MED13L: variants seen among roughly 807,000 people sequenced by gnomAD.
MED13L encodes mediator complex subunit 13L, also known as mediator of RNA polymerase II transcription subunit 13-like.
Under a neutral mutation model 220.9 loss-of-function variants are expected in MED13L, and 7 were observed. The ratio of observed to expected loss-of-function variants is 0.03; its 90% CI spans 0.02 to 0.06. The LOEUF is 0.06. MED13L is among the 10% of genes least tolerant of loss of function. The probability of loss-of-function intolerance (pLI) is 1.00; values close to 1 mark genes in which losing one functional copy is unlikely to be tolerated. For synonymous variants in MED13L, 1,011 were observed against 1,015.2 expected (o/e 1.00, Z 0.08); for missense variants, 1,965 against 2,760.5 (o/e 0.71, Z 6.46).
intron 2 of MED13L, among the ~76,000 whole-genome samples, chr12:116,146,350 GA>G (rs1458333118): frequency 6.6e-6 from 1 of 152,120 alleles, no homozygotes; most frequent in East Asian, 1.9e-4. Context: ...TCGATCTCCT[GA>G]CCTTGTGATC....
chr12:115,971,842 G>A (rs919644215), intron 26 of MED13L, among the ~76,000 whole-genome samples: 1 of 152,088 alleles, frequency 6.6e-6, no homozygotes, highest in African/African-American at 2.4e-5. Context: ...GACTCTATGA[G>A]ATCTCAATGA....
intron 4 of MED13L, among the ~76,000 whole-genome samples, chr12:116,046,134 C>T (rs1412698694): frequency 1.3e-5 from 2 of 152,054 alleles, no homozygotes. Context: ...ATATGGTAGG[C>T]TGGTTTATAG....
chr12:116,032,312 A>G (rs1046001674), intron 4 of MED13L, among the ~76,000 whole-genome samples: 2 of 152,316 alleles, frequency 1.3e-5, no homozygotes, highest in Admixed American at 1.3e-4. Flanking sequence ...AATTTTAAAG[A>G]AAAAAACAAG....
chr12:116,129,918 A>AG lies in MED13L; in HGVS notation c.311-18407_311-18406insC, dbSNP rs1461736692. On this transcript the variant is annotated intron_variant, in intron 2 of 30. Transcript: ENST00000281928. ...AGTGAGACTCAGTCTCAAAAAAAAA[A>AG]AAAAGAAAGAAAGAAAGAAAGAAAG... is the stretch of plus-strand genomic sequence containing the variant. Among the ~76,000 whole-genome samples, 3 of 151,862 alleles carry AG rather than the reference A, an allele frequency of 2.0e-5. No individual in the cohort carries two copies. The East Asian group carries it at 5.8e-4, about 29-fold the overall frequency.
chr12:115,975,715 G>A lies in MED13L; in HGVS notation c.5388C>T (p.Tyr1796=), dbSNP rs1328725357. ...TTGGGGCCAATATAAAGGGAGGGGA[G>A]TAAAGCTGGATTGGGCTGGGCCGCT... ...NPERPSPIQL[Y]SPPFILAPIK... The change falls in exon 24 of 31, where the codon TAC becomes TAT. Residue 1796 remains tyrosine (Y), a synonymous_variant. Coordinates refer to ENST00000281928, the MANE Select transcript of MED13L (RefSeq NM_015335.5). 1.2e-6 allele frequency: 2 copies of A among 1,613,780 alleles called. No homozygotes were observed.
At chr12:116,133,726 A>G (rs1307002935) in intron 2 of MED13L, among the ~76,000 whole-genome samples, 4 of 152,152 alleles carry the variant, frequency 2.6e-5, no homozygotes, top group Non-Finnish European at 5.9e-5. Flanking sequence ...CAAACAAAAT[A>G]TGGCCGAAGT....
intron 1 of MED13L, among the ~76,000 whole-genome samples, chr12:116,275,879 T>G (rs1445119733): frequency 1.3e-5 from 2 of 152,248 alleles, no homozygotes; most frequent in African/African-American, 4.8e-5. Flanking sequence ...TACAAATCTT[T>G]GCTCAATATT....
At chr12:116,072,662 C>T (rs1411246055) in intron 4 of MED13L, among the ~76,000 whole-genome samples, 1 of 152,182 alleles carries the variant, frequency 6.6e-6, no homozygotes, top group Non-Finnish European at 1.5e-5. Context: ...CCATGTTGGC[C>T]AGGCTGGTCT....
intron 2 of MED13L, among the ~76,000 whole-genome samples, chr12:116,220,296 A>T (rs1249881578): frequency 6.6e-6 from 1 of 152,040 alleles, no homozygotes; most frequent in Non-Finnish European, 1.5e-5. Flanking sequence ...CTTCTTCTAA[A>T]CTCTATTGCC....
chr12:116,035,335 AAAC>A (rs1270517806), intron 4 of MED13L, among the ~76,000 whole-genome samples: 2 of 145,234 alleles, frequency 1.4e-5, no homozygotes, highest in Non-Finnish European at 2.9e-5. Flanking sequence ...AAATCACTAA[AAAC>A]AACAATAATA....
chr12:116,143,415 G>T (rs1877250510), intron 2 of MED13L, among the ~76,000 whole-genome samples: 1 of 151,842 alleles, frequency 6.6e-6, no homozygotes, highest in African/African-American at 2.4e-5. Context: ...GCATGCTCCT[G>T]CTTCTTGAAA....
intron 2 of MED13L, among the ~76,000 whole-genome samples, chr12:116,158,216 G>A (rs937520126): frequency 4.6e-5 from 7 of 151,900 alleles, no homozygotes; most frequent in Non-Finnish European, 1.0e-4. Context: ...GCAAGACAAG[G>A]CAAGAGCTTA....
chr12:116,238,964 G>A (rs1197241793), intron 1 of MED13L, among the ~76,000 whole-genome samples: 3 of 152,014 alleles, frequency 2.0e-5, no homozygotes, highest in Admixed American at 6.6e-5. Flanking sequence ...GCGTGGTGGC[G>A]TGTGCCTGTA....
chr12:115,962,803 T>A (rs1044980451), intron 30 of MED13L: 1 of 160,154 alleles, frequency 6.2e-6, no homozygotes, highest in African/African-American at 2.4e-5. Flanking sequence ...GGCAGGCAGA[T>A]CATGAGGTCA....
chr12:115,959,632 T>G lies in MED13L; in HGVS notation c.*1634A>C, dbSNP rs948004427. On this transcript the variant is annotated 3_prime_UTR_variant, in exon 31 of 31. Coordinates refer to ENST00000281928, the MANE Select transcript of MED13L (RefSeq NM_015335.5). ...TACACATTAGATACAAATGGTTTGA[T>G]ATATCAGATTTTTTATCCTATACAT... 6 of 152,616 alleles carry G rather than the reference T, an allele frequency of 3.9e-5. No homozygotes were observed. Among genetic ancestry groups the G allele is most frequent in the Admixed American group, 6.5e-5 (1 of 15,270 alleles). The allele number at this position is 152,616 out of a possible 1,614,324, so 9.5% of individuals were successfully genotyped here. A position where few individuals can be genotyped will look rare whatever the true frequency, so the allele number is the denominator to read the frequency against.
intron 3 of MED13L, among the ~76,000 whole-genome samples, chr12:116,111,020 A>C (rs1874032565): frequency 6.6e-6 from 1 of 152,184 alleles, no homozygotes; most frequent in Non-Finnish European, 1.5e-5. Context: ...TGACATCTGA[A>C]TTGAACTACG....
Position 115,986,399 on chromosome 12 carries a change from G to A in MED13L, c.4205C>T (p.Pro1402Leu), listed in dbSNP as rs774308922. The A allele has an allele frequency of 8.7e-6, 14 of 1,613,980 alleles. No individual in the cohort carries two copies. Among genetic ancestry groups the A allele is most frequent in the Admixed American group, 5.0e-5 (3 of 59,996 alleles). The change falls in exon 19 of 31, where the codon CCG becomes CTG. Residue 1402 changes from proline to leucine, a missense_variant. Pro to Leu is a moderately conservative substitution (Grantham distance 98, BLOSUM62 -3). Around this residue, in one of 10 missense-constraint regions of MED13L, gnomAD observed 510 missense variants for 620.4 expected, o/e 0.82. Transcript: ENST00000281928. ...DFLTISPFSL[P>L]FWERLLLDPY... ...GTCCAACAAGAGCCTCTCCCAAAAC[G>A]GCAAGGAGAATGGCGAGATGGTGAG...
intron 4 of MED13L, among the ~76,000 whole-genome samples, chr12:116,092,477 CTTTGAGGAGATAAAGGGGAGGGGAGG>C (rs1189763141): frequency 6.6e-6 from 1 of 151,850 alleles, no homozygotes; most frequent in Non-Finnish European, 1.5e-5. Context: ...AGGTTGTTAT[CTTTGAGGAGATAAAGGGGAGGGGAGG>C]ATGAAATAAG....
intron 3 of MED13L, among the ~76,000 whole-genome samples, chr12:116,098,004 G>T (rs986730986): frequency 6.6e-6 from 1 of 152,190 alleles, no homozygotes; most frequent in Non-Finnish European, 1.5e-5. Context: ...CAGCACTTTG[G>T]GAAGCCGAGG....
Sources: allele counts gnomAD v4.1 joint callset (sites outside exome capture counted in the v4.1 genomes callset), GRCh38; gene constraint gnomAD v4.1.1; regional missense constraint gnomAD v4.1.1; transcripts MANE v1.5; gene names NCBI Gene and HGNC (gene_info 2026-07-23, HGNC 2026-07-21).